RUBCNL: variants seen among roughly 807,000 people sequenced by gnomAD.
RUBCNL encodes protein associated with UVRAG as autophagy enhancer.
In RUBCNL, 62 loss-of-function variants were observed where a neutral mutation model predicts 69.5. The observed-to-expected ratio is 0.89, with a 90% CI of 0.73 to 1.10. The LOEUF is 1.10. Among genes scored for constraint, RUBCNL ranks in the 50% least tolerant of loss-of-function variants. The pLI is 0.00. For synonymous variants in RUBCNL, 291 were observed against 303.6 expected, an observed-to-expected ratio of 0.96 and a Z score of 0.43; for missense variants, 768 against 798.1, an observed-to-expected ratio of 0.96 and a Z score of 0.45.
intron 2 of RUBCNL, among the ~76,000 whole-genome samples, chr13:46,376,945 C>T (rs1434626903): frequency 6.6e-6 from 1 of 152,148 alleles, no homozygotes; most frequent in African/African-American, 2.4e-5. Context: ...CTTAGCCAGA[C>T]CCTACTGATA....
At chr13:46,351,970 A>G (rs1246697258) in intron 10 of RUBCNL, among the ~76,000 whole-genome samples, 2 of 151,952 alleles carry the variant, frequency 1.3e-5, no homozygotes, top group African/African-American at 4.8e-5. Context: ...TTGGGACTAC[A>G]GGGCGTGCCA....
chr13:46,349,316 T>C lies in RUBCNL; in HGVS notation c.1601A>G (p.Lys534Arg). Reference sequence around the variant, plus strand: ...AGCAAACCTACAGGTCTTCAACAGCTTCTTGATATGGAAGAGCTGCTCCTG... The same window carrying C: ...AGCAAACCTACAGGTCTTCAACAGCCTCTTGATATGGAAGAGCTGCTCCTG... ...EIQEQLFHIK[K>R]LLKTCRFANS... is the part of the protein sequence containing the mutation. The change falls in exon 12 of 15, where the codon AAG (lysine) becomes AGG (arginine). Residue 534 changes from lysine to arginine, a missense_variant. Transcript: ENST00000429979. 2.5e-6 allele frequency: 4 copies of C among 1,613,816 alleles called. No homozygotes were observed. The highest frequency in any genetic ancestry group is 3.4e-6 in the Non-Finnish European group (4 of 1,179,766).
intron 10 of RUBCNL, 71 bp from the exon 11 acceptor site, chr13:46,350,422 A>G: frequency 9.3e-7 from 1 of 1,075,940 alleles, no homozygotes; most frequent in South Asian, 1.5e-5. Context: ...CCCGACTTCC[A>G]ATTCCTACGC....
intron 9 of RUBCNL, 103 bp from the exon 10 acceptor site, chr13:46,356,599 G>A: frequency 1.1e-6 from 1 of 884,014 alleles, no homozygotes; most frequent in South Asian, 1.6e-5. Context: ...TCTAACTAAG[G>A]GCCTTAACTT....
Position 46,340,866 on chromosome 13 carries a change from C to T in RUBCNL, c.*2519G>A, listed in dbSNP as rs1016633851. Reference sequence around the variant, plus strand: ...CACCAAGCTATTCTTGAGGGATCCACCCGCATGACCCAAACACCTCTTATT... The same window carrying T: ...CACCAAGCTATTCTTGAGGGATCCATCCGCATGACCCAAACACCTCTTATT... On this transcript the variant is annotated 3_prime_UTR_variant, in exon 15 of 15. Coordinates refer to ENST00000429979, the MANE Select transcript of RUBCNL (RefSeq NM_025113.5). Among the ~76,000 whole-genome samples, 1 of 152,200 alleles carries T rather than the reference C, an allele frequency of 6.6e-6. No homozygotes were observed. Among genetic ancestry groups the T allele is most frequent in the Non-Finnish European group, 1.5e-5 (1 of 68,032 alleles).
upstream of RUBCNL, chr13:46,387,437 G>T: frequency 1.0e-6 from 1 of 985,382 alleles, no homozygotes. Flanking sequence ...CTACACCGGT[G>T]CCGCGGCGCC....
At chr13:46,386,668 A>T (rs1239885375) in intron 1 of RUBCNL, among the ~76,000 whole-genome samples, 1 of 152,150 alleles carries the variant, frequency 6.6e-6, no homozygotes, top group African/African-American at 2.4e-5. Flanking sequence ...TTCACACTCC[A>T]GCCTAGCTCA....
chr13:46,380,665 T>G (rs748209170), intron 1 of RUBCNL, among the ~76,000 whole-genome samples: 8 of 152,214 alleles, frequency 5.3e-5, no homozygotes, highest in Non-Finnish European at 1.2e-4. Flanking sequence ...TTATTCATAC[T>G]TGTATAAAAA....
chr13:46,386,154 T>A (rs950868679), intron 1 of RUBCNL, among the ~76,000 whole-genome samples: 31 of 151,986 alleles, frequency 2.0e-4, no homozygotes, highest in African/African-American at 7.3e-4. Flanking sequence ...TCAAAACACT[T>A]CCCTCCCTCC....
chr13:46,388,653 G>A (rs1566098331), upstream of RUBCNL, among the ~76,000 whole-genome samples: 1 of 152,216 alleles, frequency 6.6e-6, no homozygotes, highest in Admixed American at 6.5e-5. Context: ...CACTGGTAAT[G>A]ACACGTAGGT....
chr13:46,387,234 C>A lies in RUBCNL; in HGVS notation c.-339G>T. On this transcript the variant is annotated 5_prime_UTR_variant, in exon 1 of 15. Coordinates refer to ENST00000429979, the MANE Select transcript of RUBCNL (RefSeq NM_025113.5). ...CAGCGTTCCGTGGCCACCGCGCTCC[C>A]GGTAACAGCAGAAAGGGGAGGGAGG... is the stretch of plus-strand genomic sequence containing the variant. The A allele has an allele frequency of 3.0e-6, 3 of 985,430 alleles. No individual in the cohort carries two copies. Among genetic ancestry groups the A allele is most frequent in the Non-Finnish European group, 3.6e-6 (3 of 829,958 alleles). 61.0% of individuals were successfully genotyped at this position (985,430 alleles called of 1,614,324 possible). A position where few individuals can be genotyped will look rare whatever the true frequency, so the allele number is the denominator to read the frequency against.
At chr13:46,367,133 T>G (rs2048775055) in intron 5 of RUBCNL, among the ~76,000 whole-genome samples, 1 of 152,188 alleles carries the variant, frequency 6.6e-6, no homozygotes, top group African/African-American at 2.4e-5. Flanking sequence ...TAGGCACTCG[T>G]CCCTCGGGGA....
rs1483558960 is a variant in RUBCNL at position 46,363,173 on chromosome 13, AC to A, written c.866del (p.Arg289LeufsTer6). On this transcript the variant is annotated frameshift_variant, in exon 6 of 15. Transcript: ENST00000429979. LOFTEE classifies it high-confidence loss of function. ...AAATCTCTTTCACATCATGGTAAGT[AC>A]GTGTTTCAGTCACTGGGCTGACCTG... The part of the protein sequence containing the change: ...VLQVSPVTET[R>X]TYHDVKEICK... 2.5e-6 allele frequency: 4 copies of A among 1,600,870 alleles called. No individual in the cohort carries two copies. Among genetic ancestry groups the A allele is most frequent in the Non-Finnish European group, 3.4e-6 (4 of 1,173,756 alleles).
At chr13:46,360,776 G>C (rs966400056) in intron 8 of RUBCNL, among the ~76,000 whole-genome samples, 3 of 152,242 alleles carry the variant, frequency 2.0e-5, no homozygotes, top group African/African-American at 7.2e-5. Context: ...TGAGCAGTGT[G>C]TTCCATGAGG....
intron 1 of RUBCNL, among the ~76,000 whole-genome samples, chr13:46,385,959 G>A (rs1299990218): frequency 6.6e-6 from 1 of 152,144 alleles, no homozygotes; most frequent in Non-Finnish European, 1.5e-5. Flanking sequence ...GTTTCATGTG[G>A]CAGTGCAGAA....
At chr13:46,377,211 G>A (rs1360383079) in intron 2 of RUBCNL, among the ~76,000 whole-genome samples, 1 of 152,186 alleles carries the variant, frequency 6.6e-6, no homozygotes, top group Non-Finnish European at 1.5e-5. Context: ...GAAATCACAT[G>A]AAAAACATGC....
At position 46,343,223 on chromosome 13, in the gene RUBCNL, G is replaced by T. The variant is rs2048171063; in HGVS notation, c.*162C>A. ...AGCCCTGTGCTTAAACACAGAATCT[G>T]CATTCTTTTGAAACATTAAGTATAT... On this transcript the variant is annotated 3_prime_UTR_variant, in exon 15 of 15. Transcript: ENST00000429979. 2 of 1,124,256 alleles carry T rather than the reference G, an allele frequency of 1.8e-6. No individual in the cohort carries two copies. The highest frequency in any genetic ancestry group is 2.5e-6 in the Non-Finnish European group (2 of 804,566). 69.6% of individuals were successfully genotyped at this position (1,124,256 alleles called of 1,614,324 possible).
At position 46,362,615 on chromosome 13, in the gene RUBCNL, G is replaced by T. The variant is rs2048639972; in HGVS notation, c.926-17C>A. 6.3e-7 allele frequency: 1 copy of T among 1,586,746 alleles called. No individual in the cohort carries two copies. The highest frequency in any genetic ancestry group is 1.7e-5 in the Admixed American group (1 of 58,510). On this transcript the variant is annotated splice_polypyrimidine_tract_variant and intron_variant, in intron 6 of 14. Transcript: ENST00000429979. ...CTCCAAGCTCTGTGGGAAAATAAAA[G>T]AAAGAGTGGTGAGGTCTTTTAGTCT...
chr13:46,351,173 G>C (rs985527719), intron 10 of RUBCNL, among the ~76,000 whole-genome samples: 1 of 152,116 alleles, frequency 6.6e-6, no homozygotes, highest in African/African-American at 2.4e-5. Flanking sequence ...GCTAAGGCAG[G>C]AGGATTGCTT....
Sources: allele counts gnomAD v4.1 joint callset (sites outside exome capture counted in the v4.1 genomes callset), GRCh38; gene constraint gnomAD v4.1.1; transcripts MANE v1.5; gene names NCBI Gene and HGNC (gene_info 2026-07-23, HGNC 2026-07-21).